Variants in FBXL7 observed in about 807,000 individuals in gnomAD.
FBXL7 encodes F-box and leucine rich repeat protein 7, also known as F-box/LRR-repeat protein 7.
A neutral mutation model predicts 38.3 loss-of-function variants in FBXL7; 12 were observed. The ratio of observed to expected loss-of-function variants is 0.31; its 90% CI spans 0.20 to 0.51. The LOEUF (loss-of-function observed/expected upper bound fraction) is 0.51, where lower values mean the gene tolerates loss of function less well. FBXL7 is among the 20% of genes least tolerant of loss of function. The pLI, the probability that FBXL7 is intolerant of heterozygous loss-of-function variation, is 0.98. For missense variants in FBXL7, 567 were observed against 676.4 expected (o/e 0.84, Z 1.79); for synonymous variants, 297 against 300.9 (o/e 0.99, Z 0.13).
intron 1 of FBXL7, among the ~76,000 whole-genome samples, chr5:15,568,457 T>G (rs1738659953): frequency 6.6e-6 from 1 of 152,144 alleles, no homozygotes; most frequent in Non-Finnish European, 1.5e-5. Flanking sequence ...TCTTGTAAAT[T>G]TGTTTGAGTT....
intron 2 of FBXL7, among the ~76,000 whole-genome samples, chr5:15,770,061 A>G (rs1429560169): frequency 6.6e-6 from 1 of 152,226 alleles, no homozygotes; most frequent in African/African-American, 2.4e-5. Context: ...TTAATGATCC[A>G]TATGGAATCA....
intron 2 of FBXL7, among the ~76,000 whole-genome samples, chr5:15,839,617 T>C (rs1253336787): frequency 6.6e-6 from 1 of 152,220 alleles, no homozygotes; most frequent in Non-Finnish European, 1.5e-5. Flanking sequence ...ACCAAATGGA[T>C]ATTTTTTGTT....
At chr5:15,830,666 G>A (rs1738433207) in intron 2 of FBXL7, among the ~76,000 whole-genome samples, 1 of 152,146 alleles carries the variant, frequency 6.6e-6, no homozygotes, top group African/African-American at 2.4e-5. Flanking sequence ...TTCCCAAAGT[G>A]CAGCTTATTT....
chr5:15,758,272 A>G (rs1471076777), intron 2 of FBXL7, among the ~76,000 whole-genome samples: 1 of 152,098 alleles, frequency 6.6e-6, no homozygotes, highest in African/African-American at 2.4e-5. Context: ...TTTAATCTTT[A>G]TATAGTCTTA....
chr5:15,625,883 G>A (rs1740799337), intron 2 of FBXL7, among the ~76,000 whole-genome samples: 1 of 152,020 alleles, frequency 6.6e-6, no homozygotes, highest in Non-Finnish European at 1.5e-5. Context: ...CATAGGAATA[G>A]GAATAAAAAG....
chr5:15,875,024 CTAAAA>C (rs1740140152), intron 2 of FBXL7, among the ~76,000 whole-genome samples: 1 of 152,112 alleles, frequency 6.6e-6, no homozygotes, highest in African/African-American at 2.4e-5. Flanking sequence ...TACTACAAGG[CTAAAA>C]TAACCAAAAC....
chr5:15,555,946 A>G (rs1738215345), intron 1 of FBXL7, among the ~76,000 whole-genome samples: 1 of 151,778 alleles, frequency 6.6e-6, no homozygotes, highest in South Asian at 2.1e-4. Flanking sequence ...CCATCTATCT[A>G]TCTGTCATCT....
At chr5:15,649,913 T>G (rs1741650951) in intron 2 of FBXL7, among the ~76,000 whole-genome samples, 1 of 152,204 alleles carries the variant, frequency 6.6e-6, no homozygotes, top group African/African-American at 2.4e-5. Flanking sequence ...GGTGGTAAGC[T>G]TTTCCTACAT....
intron 2 of FBXL7, among the ~76,000 whole-genome samples, chr5:15,899,381 T>C (rs1448566772): frequency 1.3e-5 from 2 of 152,224 alleles, no homozygotes; most frequent in African/African-American, 4.8e-5. Flanking sequence ...ATTACAATAT[T>C]TTTAACTCTT....
At chr5:15,542,052 T>A (rs1454104721) in intron 1 of FBXL7, among the ~76,000 whole-genome samples, 1 of 152,178 alleles carries the variant, frequency 6.6e-6, no homozygotes, top group Non-Finnish European at 1.5e-5. Context: ...AATCACTGTC[T>A]ATCAGTTCCT....
chr5:15,657,505 T>C (rs1198353071), intron 2 of FBXL7, among the ~76,000 whole-genome samples: 5 of 152,302 alleles, frequency 3.3e-5, no homozygotes, highest in Non-Finnish European at 7.4e-5. Context: ...GTTAATGAAA[T>C]TGAGAGAACT....
intron 2 of FBXL7, among the ~76,000 whole-genome samples, chr5:15,691,720 G>A (rs545485129): frequency 1.4e-4 from 22 of 152,184 alleles, no homozygotes; most frequent in Non-Finnish European, 2.5e-4. Flanking sequence ...AGAGTGTTAA[G>A]ATCACTGACA....
chr5:15,934,202 G>A (rs1742117327), intron 3 of FBXL7, among the ~76,000 whole-genome samples: 2 of 152,100 alleles, frequency 1.3e-5, no homozygotes, highest in Admixed American at 1.3e-4. Context: ...ACGGGGTTTT[G>A]CCATGTTGCC....
chr5:15,779,136 A>G (rs1035433351), intron 2 of FBXL7, among the ~76,000 whole-genome samples: 4 of 152,100 alleles, frequency 2.6e-5, no homozygotes, highest in Non-Finnish European at 4.4e-5. Flanking sequence ...GGCTTTAAAA[A>G]AAGTGGATCT....
intron 2 of FBXL7, among the ~76,000 whole-genome samples, chr5:15,785,455 T>C (rs186466852): frequency 1.3e-5 from 2 of 152,266 alleles, no homozygotes; most frequent in East Asian, 3.9e-4. Context: ...CAGTTGGTGG[T>C]TATAAACTCA....
chr5:15,653,824 C>T (rs1741784684), intron 2 of FBXL7, among the ~76,000 whole-genome samples: 1 of 152,210 alleles, frequency 6.6e-6, no homozygotes, highest in Non-Finnish European at 1.5e-5. Flanking sequence ...ACAGTAATCT[C>T]ATCATTTCCC....
intron 1 of FBXL7, among the ~76,000 whole-genome samples, chr5:15,582,560 C>T (rs555430979): frequency 2.0e-5 from 3 of 152,314 alleles, no homozygotes; most frequent in South Asian, 2.1e-4. Flanking sequence ...AGGACTTCCT[C>T]GAGATGTCAG....
chr5:15,734,061 A>G (rs6554902), intron 2 of FBXL7, among the ~76,000 whole-genome samples: 110,154 of 150,832 alleles, frequency 0.73, 40,549 homozygotes, highest in East Asian at 0.88. Context: ...GTTGCAGTGC[A>G]CCAAGATTGT....
At chr5:15,534,684 A>G (rs915138868) in intron 1 of FBXL7, among the ~76,000 whole-genome samples, 4 of 152,132 alleles carry the variant, frequency 2.6e-5, no homozygotes, top group East Asian at 1.9e-4. Context: ...ACCAAGGACT[A>G]TTATTTCTGG....
Sources: allele counts gnomAD v4.1 joint callset (sites outside exome capture counted in the v4.1 genomes callset), GRCh38; gene constraint gnomAD v4.1.1; transcripts MANE v1.5; gene names NCBI Gene and HGNC (gene_info 2026-07-23, HGNC 2026-07-21).